Variants in RBFOX3 observed in about 807,000 individuals in gnomAD.
RBFOX3 encodes RNA binding fox-1 homolog 3.
Under a neutral mutation model 48.7 loss-of-function variants are expected in RBFOX3, and 17 were observed. That is an observed-to-expected ratio of 0.35 (90% CI 0.24 to 0.52). The LOEUF (loss-of-function observed/expected upper bound fraction) is 0.52. Among genes scored for constraint, RBFOX3 ranks in the 20% least tolerant of loss-of-function variants. The pLI is 0.94. For synonymous variants in RBFOX3, 212 were observed against 209.5 expected (o/e 1.01, Z -0.10); for missense variants, 382 against 497.5 (o/e 0.77, Z 2.21).
intron 4 of RBFOX3, among the ~76,000 whole-genome samples, chr17:79,221,925 G>A (rs2059780965): frequency 6.6e-6 from 1 of 152,200 alleles, no homozygotes; most frequent in African/African-American, 2.4e-5. Flanking sequence ...CAGATGGGGA[G>A]GGGTGCAGAG....
chr17:79,427,997 C>T (rs1555726479), intron 2 of RBFOX3, among the ~76,000 whole-genome samples: 1 of 152,210 alleles, frequency 6.6e-6, no homozygotes, highest in East Asian at 1.9e-4. Flanking sequence ...ACGTGGCCAC[C>T]ACAAAACCAC....
chr17:79,200,141 T>C (rs1023491730), intron 4 of RBFOX3, among the ~76,000 whole-genome samples: 5 of 125,798 alleles, frequency 4.0e-5, no homozygotes, highest in African/African-American at 1.5e-4. Context: ...TCAGCCTGGG[T>C]GACAGAGCGA....
chr17:79,290,901 T>C (rs2144859806), intron 3 of RBFOX3, among the ~76,000 whole-genome samples: 1 of 152,314 alleles, frequency 6.6e-6, no homozygotes, highest in South Asian at 2.1e-4. Flanking sequence ...GCTGTGTGCT[T>C]GGATTGGAAT....
At chr17:79,394,092 C>T (rs2061692135) in intron 2 of RBFOX3, among the ~76,000 whole-genome samples, 1 of 152,078 alleles carries the variant, frequency 6.6e-6, no homozygotes, top group South Asian at 2.1e-4. Flanking sequence ...ATCATCTGAG[C>T]CGGTCACTAT....
intron 5 of RBFOX3, 143 bp from the exon 6 acceptor site, chr17:79,106,931 G>T: frequency 8.8e-7 from 1 of 1,139,188 alleles, no homozygotes; most frequent in Non-Finnish European, 1.2e-6. Context: ...GGGATCCTTG[G>T]CAGAATCTGG....
At chr17:79,342,097 T>C (rs2082195541) in intron 2 of RBFOX3, among the ~76,000 whole-genome samples, 2 of 152,242 alleles carry the variant, frequency 1.3e-5, no homozygotes, top group African/African-American at 4.8e-5. Context: ...GCCATGTGCT[T>C]CCCTCACCTC....
the RBFOX3 span, among the ~76,000 whole-genome samples, chr17:79,620,723 C>T: frequency 2.6e-5 from 4 of 152,328 alleles, no homozygotes; most frequent in African/African-American, 4.8e-5. Context: ...ATTTCTCAGG[C>T]GACCCCCTCC....
At position 79,103,112 on chromosome 17, in the gene RBFOX3, C is replaced by G. The variant is rs1294138468; in HGVS notation, c.507+50G>C. On this transcript the variant is annotated intron_variant, in intron 8 of 14. Coordinates refer to ENST00000693108, the MANE Select transcript of RBFOX3 (RefSeq NM_001350451.2). The surrounding 1 kb of genome is among the most constrained non-coding windows in gnomAD (Gnocchi z 6.1). ...CTGGTTGGTTGGGGGAGCTGGGGGGCAGGTGGGCGATCTTGGGGCATCCCT... is the reference window on the plus strand; with the variant it reads ...CTGGTTGGTTGGGGGAGCTGGGGGGGAGGTGGGCGATCTTGGGGCATCCCT... 7.3e-7 allele frequency: 1 copy of G among 1,365,540 alleles called. No homozygotes were observed. Among genetic ancestry groups the G allele is most frequent in the Non-Finnish European group, 1.0e-6 (1 of 979,494 alleles). 84.6% of individuals were successfully genotyped at this position (1,365,540 alleles called of 1,614,324 possible).
chr17:79,346,570 G>A (rs1170333029), intron 2 of RBFOX3, among the ~76,000 whole-genome samples: 1 of 152,162 alleles, frequency 6.6e-6, no homozygotes, highest in Non-Finnish European at 1.5e-5. Flanking sequence ...CCTCAGAGGG[G>A]TTCTGGCTAA....
chr17:79,632,147 G>A, the RBFOX3 span, among the ~76,000 whole-genome samples: 1 of 152,234 alleles, frequency 6.6e-6, no homozygotes, highest in Non-Finnish European at 1.5e-5. Context: ...GAGAACAAGA[G>A]CTAATTAAAT....
chr17:79,605,282 A>G (rs1168525767), intron 1 of RBFOX3, among the ~76,000 whole-genome samples: 7 of 152,122 alleles, frequency 4.6e-5, no homozygotes, highest in Admixed American at 4.6e-4. Context: ...ACATGTTATG[A>G]TCTCAACTGG....
In RBFOX3 at chr17:79,356,325, T is replaced by C. The variant is rs558451909; in HGVS notation, c.-174-48501A>G. Among the ~76,000 whole-genome samples, 303 of 142,692 alleles carry C rather than the reference T, an allele frequency of 2.1e-3. 3 individuals are homozygous for C. Among genetic ancestry groups the C allele is most frequent in the African/African-American group, 7.4e-3 (286 of 38,780 alleles). 93.6% of individuals were successfully genotyped at this position (142,692 alleles called of 152,430 possible). On this transcript the variant is annotated intron_variant, in intron 2 of 14. Coordinates refer to ENST00000693108, the MANE Select transcript of RBFOX3 (RefSeq NM_001350451.2). ...GGTACCTCTGCCGTGAGGCACGTAC[T>C]TTTTCACTTTTAAAACAGGGAAGTT...
chr17:79,348,553 C>A (rs1231397959), intron 2 of RBFOX3, among the ~76,000 whole-genome samples: 1 of 149,102 alleles, frequency 6.7e-6, no homozygotes, highest in Non-Finnish European at 1.5e-5. Flanking sequence ...CAGAACAAAC[C>A]CAATTTCTTT....
At chr17:79,227,727 C>T (rs568272216) in intron 4 of RBFOX3, among the ~76,000 whole-genome samples, 2 of 152,282 alleles carry the variant, frequency 1.3e-5, no homozygotes, top group Admixed American at 6.5e-5. Flanking sequence ...GGGATGCAGG[C>T]AGGTGGCCTC....
intron 2 of RBFOX3, among the ~76,000 whole-genome samples, chr17:79,375,158 C>G (rs1450289186): frequency 1.2e-4 from 19 of 152,186 alleles, no homozygotes; most frequent in Admixed American, 1.2e-3. Context: ...CCTCCTAAAT[C>G]CCGTCATTTG....
At chr17:79,620,277 G>T in the RBFOX3 span, among the ~76,000 whole-genome samples, 1 of 130,996 alleles carries the variant, frequency 7.6e-6, no homozygotes, top group Non-Finnish European at 1.6e-5. Flanking sequence ...GCACACATAC[G>T]CATATGCGCA....
intron 4 of RBFOX3, among the ~76,000 whole-genome samples, chr17:79,125,747 C>T (rs1032501802): frequency 7.9e-5 from 12 of 152,202 alleles, no homozygotes; most frequent in Non-Finnish European, 1.6e-4. Flanking sequence ...GGCCCTGGGC[C>T]GGCGGGGCAG....
chr17:79,222,552 C>T (rs982488259), intron 4 of RBFOX3, among the ~76,000 whole-genome samples: 1 of 152,236 alleles, frequency 6.6e-6, no homozygotes, highest in Non-Finnish European at 1.5e-5. Flanking sequence ...TAGCCCCTTG[C>T]CGAGGCCAGT....
At chr17:79,253,368 C>T (rs57291642) in intron 3 of RBFOX3, among the ~76,000 whole-genome samples, 11,138 of 152,138 alleles carry the variant, frequency 0.073, 438 homozygotes, top group South Asian at 0.11. Flanking sequence ...TCTGCCTCCC[C>T]GCCCAGATGA....
Sources: allele counts gnomAD v4.1 joint callset (sites outside exome capture counted in the v4.1 genomes callset), GRCh38; gene constraint gnomAD v4.1.1; non-coding constraint Gnocchi (gnomAD v3.1); transcripts MANE v1.5; gene names NCBI Gene and HGNC (gene_info 2026-07-23, HGNC 2026-07-21).